Variants in ZNF644 observed in about 807,000 individuals in gnomAD.
The protein encoded by ZNF644 is zinc finger motif enhancer binding protein 2.
Under a neutral mutation model 108.0 loss-of-function variants are expected in ZNF644, and 20 were observed. That is an observed-to-expected ratio of 0.19 (90% CI 0.13 to 0.27). ZNF644 has a LOEUF of 0.27. Among genes scored for constraint, ZNF644 ranks in the 10% least tolerant of loss-of-function variants. The pLI, the probability that ZNF644 is intolerant of heterozygous loss-of-function variation, is 1.00. For missense variants in ZNF644, 1,338 were observed against 1,548.9 expected (o/e 0.86, Z 2.29); for synonymous variants, 542 against 539.1 (o/e 1.01, Z -0.08).
Position 90,996,571 on chromosome 1 carries a change from G to A in ZNF644, c.-17-14201C>T, listed in dbSNP as rs746670254. ...AGGCTGAGGTGGGAGAAATGCTTGA[G>A]TCCAAGTGCTTGGAACCAGTCTGGG... On this transcript the variant is annotated intron_variant, in intron 1 of 5. Coordinates refer to ENST00000337393, the MANE Select transcript of ZNF644 (RefSeq NM_201269.3). Among the ~76,000 whole-genome samples the A allele has an allele frequency of 9.1e-4, 139 of 152,328 alleles. 1 individual carries two copies. The Middle Eastern group carries it at 0.014, about 15-fold the overall frequency.
chr1:90,972,997 G>A (rs1002485533), intron 2 of ZNF644: 23 of 152,034 alleles, frequency 1.5e-4, no homozygotes, highest in African/African-American at 4.6e-4. Flanking sequence ...TTTCAGTTTC[G>A]CAAGACAAAA....
chr1:90,987,569 C>G (rs1249285365), intron 1 of ZNF644, among the ~76,000 whole-genome samples: 1 of 151,930 alleles, frequency 6.6e-6, no homozygotes, highest in East Asian at 1.9e-4. Flanking sequence ...AGCCCAGGAC[C>G]AGATGGCTTT....
intron 4 of ZNF644, among the ~76,000 whole-genome samples, chr1:90,920,286 T>C (rs1253907152): frequency 6.6e-6 from 1 of 152,002 alleles, no homozygotes; most frequent in African/African-American, 2.4e-5. Flanking sequence ...TTCAAACTCC[T>C]TTTAAAATGC....
chr1:90,979,229 C>T (rs59536444), intron 2 of ZNF644, among the ~76,000 whole-genome samples: 2,038 of 152,174 alleles, frequency 0.013, 55 homozygotes, highest in African/African-American at 0.045. Context: ...CCCAGCACTT[C>T]GGAAGGCTAA....
At position 90,916,864 on chromosome 1, in the gene ZNF644, T is replaced by G; in HGVS notation, c.3918A>C (p.Leu1306=). The G allele has an allele frequency of 6.2e-7, 1 of 1,614,208 alleles. No individual in the cohort carries two copies. ...CTGTAATGGAGGCAGGCTTTTTAAG[T>G]AGTGACGTGACTTCCACCATGCCAG... ...TGAGMVEVTS[L]LKKPASITET... Residue 1306 remains leucine, a synonymous_variant, in exon 6 of 6, where the codon CTA becomes CTC. Coordinates refer to ENST00000337393, the MANE Select transcript of ZNF644 (RefSeq NM_201269.3).
At chr1:90,967,960 C>T (rs1382935323) in intron 2 of ZNF644, among the ~76,000 whole-genome samples, 2 of 145,914 alleles carry the variant, frequency 1.4e-5, no homozygotes, top group Non-Finnish European at 3.0e-5. Flanking sequence ...ACTCGGGAGG[C>T]TGAGGCAGGA....
chr1:90,934,562 G>A (rs1249559643), intron 4 of ZNF644, among the ~76,000 whole-genome samples: 4 of 152,116 alleles, frequency 2.6e-5, no homozygotes, highest in African/African-American at 9.7e-5. Flanking sequence ...CATTTTGTAG[G>A]TTATAAGAAG....
intron 1 of ZNF644, chr1:91,020,485 AATAC>A (rs1660807520): frequency 6.6e-6 from 1 of 152,264 alleles, no homozygotes; most frequent in African/African-American, 2.4e-5. Context: ...TTTTAAAAGC[AATAC>A]ATACCACTGC....
At chr1:90,917,369 G>A (rs1648897775) in intron 5 of ZNF644, among the ~76,000 whole-genome samples, 1 of 152,172 alleles carries the variant, frequency 6.6e-6, no homozygotes, top group Non-Finnish European at 1.5e-5. Flanking sequence ...GTGTGAGTGT[G>A]AGTACGGAAG....
chr1:90,974,154 C>G (rs1384506259), intron 2 of ZNF644, among the ~76,000 whole-genome samples: 1 of 152,016 alleles, frequency 6.6e-6, no homozygotes, highest in Non-Finnish European at 1.5e-5. Context: ...TAATCATACT[C>G]CTGCATGACT....
At chr1:91,015,853 GTAA>G (rs1414232886) in intron 1 of ZNF644, among the ~76,000 whole-genome samples, 2 of 152,104 alleles carry the variant, frequency 1.3e-5, no homozygotes, top group Non-Finnish European at 2.9e-5. Flanking sequence ...TTAAACAATG[GTAA>G]TAATAACTAT....
intron 2 of ZNF644, among the ~76,000 whole-genome samples, chr1:90,947,466 A>C (rs562058258): frequency 6.6e-6 from 1 of 152,280 alleles, no homozygotes; most frequent in Admixed American, 6.5e-5. Context: ...TTTCAAAGAA[A>C]CCAATGTACC....
At chr1:90,919,713 T>C (rs1166230932) in intron 4 of ZNF644, among the ~76,000 whole-genome samples, 4 of 152,224 alleles carry the variant, frequency 2.6e-5, no homozygotes, top group African/African-American at 9.6e-5. Context: ...TATAAGGATC[T>C]TATTAGTTAT....
At chr1:91,010,842 A>G (rs1351193373) in intron 1 of ZNF644, among the ~76,000 whole-genome samples, 1 of 152,178 alleles carries the variant, frequency 6.6e-6, no homozygotes, top group Non-Finnish European at 1.5e-5. Flanking sequence ...AAGTTATGAA[A>G]ATTGGGGGAA....
intron 2 of ZNF644, among the ~76,000 whole-genome samples, chr1:90,966,506 T>C (rs547195168): frequency 2.9e-4 from 44 of 152,074 alleles, no homozygotes; most frequent in Middle Eastern, 3.4e-3. Context: ...TCCCAGCACT[T>C]TGGGAGGCTA....
chr1:90,968,721 G>A (rs1249337448), intron 2 of ZNF644, among the ~76,000 whole-genome samples: 1 of 151,998 alleles, frequency 6.6e-6, no homozygotes, highest in East Asian at 1.9e-4. Flanking sequence ...TGACATGAAG[G>A]TATACTGTAA....
rs569390417 is a variant in ZNF644, at chr1:90,938,974, C to T, written c.2380G>A (p.Ala794Thr). The change falls in exon 3 of 6, where the codon GCC (alanine) becomes ACC (threonine). Residue 794 changes from alanine (A) to threonine (T), a missense_variant. Ala to Thr is a moderately conservative substitution (Grantham distance 58). Transcript: ENST00000337393. This position sits in a 1 kb window ranked among gnomAD's most constrained non-coding sequence, Gnocchi z 4.2. ...TCTTTGAAGCTTTCAGGCCTTTTGG[C>T]GTCAGGCTTATGAGGGTCTGAAATA... is the stretch of plus-strand genomic sequence containing the variant. ...NFISDPHKPD[A>T]KRPESFKDHR... The T allele has an allele frequency of 2.5e-5, 41 of 1,613,926 alleles. No homozygotes were observed. The Admixed American group carries it at 2.7e-4, about 10-fold the overall frequency.
chr1:90,926,957 CATCT>C (rs1281174594), intron 4 of ZNF644, among the ~76,000 whole-genome samples: 1 of 152,152 alleles, frequency 6.6e-6, no homozygotes, highest in African/African-American at 2.4e-5. Context: ...CGTTCTATGT[CATCT>C]ATCTGACTCA....
intron 1 of ZNF644, among the ~76,000 whole-genome samples, chr1:91,003,017 A>G (rs1444614938): frequency 6.6e-6 from 1 of 152,356 alleles, no homozygotes; most frequent in African/African-American, 2.4e-5. Context: ...CAATCATTAA[A>G]AAGTCAGGAA....
Sources: allele counts gnomAD v4.1 joint callset (sites outside exome capture counted in the v4.1 genomes callset), GRCh38; gene constraint gnomAD v4.1.1; non-coding constraint Gnocchi (gnomAD v3.1); transcripts MANE v1.5; gene names NCBI Gene and HGNC (gene_info 2026-07-23, HGNC 2026-07-21).